Variants in GEN1 observed in about 807,000 individuals in gnomAD.
The protein encoded by GEN1 is GEN1 structure-specific endonuclease.
In GEN1, 64 loss-of-function variants were observed where a neutral mutation model predicts 67.6. That is an observed-to-expected ratio of 0.95 (90% CI 0.77 to 1.17). GEN1 has a LOEUF of 1.17. Among genes scored for constraint, GEN1 ranks in the 50% most tolerant of loss-of-function variants. GEN1 has a pLI of 0.00. For synonymous variants in GEN1, 371 were observed against 359.4 expected (o/e 1.03, Z -0.37); for missense variants, 1,058 against 1,048.3 (o/e 1.01, Z -0.13).
chr2:17,778,214 A>G (rs569288041), intron 12 of GEN1, 151 bp downstream of exon 12: 5 of 443,488 alleles, frequency 1.1e-5, no homozygotes, highest in African/African-American at 9.1e-5. Flanking sequence ...GTGTATATAT[A>G]TGTATACACA....
intron 12 of GEN1, among the ~76,000 whole-genome samples, 167 bp from the exon 13 acceptor site, chr2:17,779,811 G>A (rs775607084): frequency 3.9e-5 from 6 of 151,974 alleles, no homozygotes; most frequent in African/African-American, 7.3e-5. Context: ...CATGTTGATC[G>A]GGCTGGTCTG....
Position 17,787,172 on chromosome 2 carries a change from C to T in GEN1, c.*5233C>T, listed in dbSNP as rs1673086644. The T allele has an allele frequency of 6.6e-6, 1 of 152,190 alleles. No individual in the cohort carries two copies. Among genetic ancestry groups the T allele is most frequent in the South Asian group, 2.1e-4 (1 of 4,824 alleles). The allele number at this position is 152,190 out of a possible 1,614,324, so 9.4% of individuals were successfully genotyped here. A position where few individuals can be genotyped will look rare whatever the true frequency, so the allele number is the denominator to read the frequency against. On this transcript the variant is annotated 3_prime_UTR_variant, in exon 14 of 14. Transcript: ENST00000381254. ...TTATAATCCCAAGCAGAATTATTTG[C>T]TCTATACGTGTCCCCAAAGAAATTA...
chr2:17,757,066 C>A (rs567147961), intron 1 of GEN1, among the ~76,000 whole-genome samples: 1 of 152,204 alleles, frequency 6.6e-6, no homozygotes, highest in Non-Finnish European at 1.5e-5. Flanking sequence ...TAATTTTCCT[C>A]TTTCAGAACT....
At chr2:17,764,118 G>A (rs1005521487) in intron 3 of GEN1, among the ~76,000 whole-genome samples, 1 of 152,210 alleles carries the variant, frequency 6.6e-6, no homozygotes, top group Non-Finnish European at 1.5e-5. Flanking sequence ...GAAAGTCACA[G>A]CAAATTATTT....
intron 1 of GEN1, among the ~76,000 whole-genome samples, chr2:17,759,421 G>A (rs1043554196): frequency 1.3e-5 from 2 of 152,116 alleles, no homozygotes; most frequent in Non-Finnish European, 2.9e-5. Context: ...TTTCTACAAT[G>A]AACATTATGT....
intron 7 of GEN1, 50 bp from the exon 8 acceptor site, chr2:17,772,584 G>A: frequency 6.5e-7 from 1 of 1,527,772 alleles, no homozygotes; most frequent in Non-Finnish European, 8.8e-7. Flanking sequence ...TATGTAGAAA[G>A]TAATTATAAA....
rs1288164943 is a variant in GEN1, at chr2:17,754,142, G to A, written c.-219G>A. The A allele has an allele frequency of 2.6e-5, 4 of 152,336 alleles. No homozygotes were observed. The highest frequency in any genetic ancestry group is 9.7e-5 in the African/African-American group (4 of 41,448). The allele number at this position is 152,336 out of a possible 1,614,324, so 9.4% of individuals were successfully genotyped here. On this transcript the variant is annotated 5_prime_UTR_variant, in exon 1 of 14. Coordinates refer to ENST00000381254, the MANE Select transcript of GEN1 (RefSeq NM_001130009.3). ...GCGGGGCCGCGCGGGCCCGGCGCTG[G>A]ATTCGAAACGCTTCCTGGTGCTCCT...
Position 17,781,382 on chromosome 2 carries a change from C to T in GEN1, c.2170C>T (p.Pro724Ser). Residue 724 changes from proline (P) to serine (S), a missense_variant, in exon 14 of 14, where the codon CCA becomes TCA. Pro to Ser is a moderately conservative substitution (Grantham distance 74, BLOSUM62 -1). Coordinates refer to ENST00000381254, the MANE Select transcript of GEN1 (RefSeq NM_001130009.3). ...TACATCACATCTTTCAAAGGATCTT[C>T]CAGGAATTCCCTTGCAAAATGAATC... ...DCTSHLSKDL[P>S]GIPLQNESRD... 3 of 1,613,842 alleles carry T rather than the reference C, an allele frequency of 1.9e-6. No homozygotes were observed. Among genetic ancestry groups the T allele is most frequent in the Non-Finnish European group, 1.7e-6 (2 of 1,179,904 alleles).
In GEN1 at chr2:17,764,909, C is replaced by G. The variant is rs1172508760; in HGVS notation, c.361C>G (p.Leu121Val). 1 of 1,613,358 alleles carries G rather than the reference C, an allele frequency of 6.2e-7. No homozygotes were observed. Among genetic ancestry groups the G allele is most frequent in the South Asian group, 1.1e-5 (1 of 90,946 alleles). Residue 121 changes from leucine (L) to valine (V), a missense_variant, in exon 4 of 14, where the codon CTC (leucine) becomes GTC (valine). Leu to Val is a conservative substitution (Grantham distance 32). Transcript: ENST00000381254. ...KSVLRECLHM[L>V]ECLGIPWVQA... ...TTTTTGTTTTCAGTGCCTCCATATG[C>G]TCGAATGCTTAGGAATCCCCTGGGT...
intron 1 of GEN1, among the ~76,000 whole-genome samples, chr2:17,758,759 C>G (rs1671540550): frequency 6.6e-6 from 1 of 151,790 alleles, no homozygotes; most frequent in Non-Finnish European, 1.5e-5. Context: ...GAGGCTGAGG[C>G]AGGCAGATCA....
chr2:17,780,831 C>T lies in GEN1; in HGVS notation c.1619C>T (p.Ala540Val). Residue 540 changes from alanine to valine, a missense_variant, in exon 14 of 14, where the codon GCA becomes GTA. Transcript: ENST00000381254. ...CCTAAAAATACTCCATGTTTGAATG[C>T]ACAAGAACAGTTCATGTCTTCTCTA... ...LLPKNTPCLNAQEQFMSSLRP... is the reference protein window; with the variant it reads ...LLPKNTPCLNVQEQFMSSLRP... The T allele has an allele frequency of 6.2e-7, 1 of 1,613,860 alleles. No individual in the cohort carries two copies. Among genetic ancestry groups the T allele is most frequent in the Non-Finnish European group, 8.5e-7 (1 of 1,179,816 alleles).
chr2:17,754,610 C>T (rs915888305), intron 1 of GEN1: 1 of 152,300 alleles, frequency 6.6e-6, no homozygotes, highest in African/African-American at 2.4e-5. Context: ...GCTGCTGGGT[C>T]CCGCTGTGCT....
intron 12 of GEN1, among the ~76,000 whole-genome samples, chr2:17,779,583 A>AGC (rs1672726037): frequency 6.6e-6 from 1 of 152,098 alleles, no homozygotes; most frequent in African/African-American, 2.4e-5. Flanking sequence ...TACCTGATAA[A>AGC]GCTAGTTACC....
chr2:17,776,223 T>C (rs1205847807), intron 11 of GEN1, among the ~76,000 whole-genome samples: 1 of 152,092 alleles, frequency 6.6e-6, no homozygotes, highest in African/African-American at 2.4e-5. Context: ...TCCTGGACTC[T>C]TCAAAAATAA....
chr2:17,765,997 TC>T (rs1299529027), intron 4 of GEN1, among the ~76,000 whole-genome samples: 1 of 151,786 alleles, frequency 6.6e-6, no homozygotes. Flanking sequence ...AAGATGGAAA[TC>T]TACATTTTTT....
chr2:17,757,625 A>T (rs1671492800), intron 1 of GEN1, among the ~76,000 whole-genome samples: 1 of 152,202 alleles, frequency 6.6e-6, no homozygotes, highest in Admixed American at 6.5e-5. Flanking sequence ...ACTCCACAGG[A>T]CTAGTTCTAG....
At chr2:17,768,956 A>T (rs904794137) in intron 6 of GEN1, 145 bp downstream of exon 6, 9 of 482,276 alleles carry the variant, frequency 1.9e-5, no homozygotes, top group African/African-American at 1.6e-4. Flanking sequence ...AAGATAATTT[A>T]TTTTTATTTA....
At chr2:17,766,452 G>A (rs1042068935) in intron 4 of GEN1, 127 bp from the exon 5 acceptor site, 13 of 583,914 alleles carry the variant, frequency 2.2e-5, no homozygotes, top group African/African-American at 2.1e-4. Flanking sequence ...TTACAGGCAT[G>A]AGCCACCATG....
rs757664350 is a variant in GEN1, at chr2:17,765,124, T to G, written c.525+51T>G. ...GCATTTGTTTACGAACTACCTTTTTTAAAGGGCTGATTAAATGAAATAGTA... is the reference window on the plus strand; with the variant it reads ...GCATTTGTTTACGAACTACCTTTTTGAAAGGGCTGATTAAATGAAATAGTA... On this transcript the variant is annotated intron_variant, in intron 4 of 13. Coordinates refer to ENST00000381254, the MANE Select transcript of GEN1 (RefSeq NM_001130009.3). 1.1e-4 allele frequency: 170 copies of G among 1,541,164 alleles called. 1 individual carries two copies. The highest frequency in any genetic ancestry group is 1.4e-4 in the East Asian group (6 of 44,428).
Sources: gnomAD v4.1 joint callset for allele counts (sites outside exome capture counted in the v4.1 genomes callset) on GRCh38, gnomAD v4.1.1 for gene constraint, MANE v1.5 for transcripts, NCBI Gene and HGNC (gene_info 2026-07-23, HGNC 2026-07-21) for gene names.